CTNNA3: variants seen among roughly 807,000 people sequenced by gnomAD.
CTNNA3 encodes catenin alpha-3.
Under a neutral mutation model 95.7 loss-of-function variants are expected in CTNNA3, and 76 were observed. That is an observed-to-expected ratio of 0.79 (90% CI 0.66 to 0.96). The LOEUF (loss-of-function observed/expected upper bound fraction) is 0.96. CTNNA3 is among the 40% of genes least tolerant of loss of function. The probability of loss-of-function intolerance (pLI) is 0.00; values close to 1 mark genes in which losing one functional copy is unlikely to be tolerated. For missense variants in CTNNA3, 1,191 were observed against 1,089.8 expected (o/e 1.09, Z -1.31); for synonymous variants, 431 against 374.4 (o/e 1.15, Z -1.74).
chr10:66,294,886 C>CAGAG (rs35664400), intron 12 of CTNNA3, among the ~76,000 whole-genome samples: 3,691 of 142,452 alleles, frequency 0.026, 144 homozygotes, highest in African/African-American at 0.086. Context: ...ACAGTCAGGA[C>CAGAG]AGAGAGAGAG....
chr10:66,867,093 C>T (rs1208745173), intron 7 of CTNNA3, among the ~76,000 whole-genome samples: 3 of 152,152 alleles, frequency 2.0e-5, no homozygotes, highest in Non-Finnish European at 4.4e-5. Context: ...GCCTCCCTGG[C>T]CACGTGGAAC....
chr10:67,580,477 G>A (rs1842347204), intron 3 of CTNNA3, among the ~76,000 whole-genome samples: 1 of 151,624 alleles, frequency 6.6e-6, no homozygotes, highest in Non-Finnish European at 1.5e-5. Context: ...AATATAGTTT[G>A]AAGTCAGGTA....
chr10:67,511,792 C>G (rs1486490457), intron 5 of CTNNA3, among the ~76,000 whole-genome samples: 2 of 152,138 alleles, frequency 1.3e-5, no homozygotes, highest in Non-Finnish European at 2.9e-5. Flanking sequence ...CTTTGTACCT[C>G]TGGTAGAATT....
intron 7 of CTNNA3, among the ~76,000 whole-genome samples, chr10:67,029,764 A>G (rs573604166): frequency 2.6e-4 from 40 of 152,312 alleles, no homozygotes; most frequent in African/African-American, 9.6e-4. Context: ...ACCAATCAAT[A>G]CCTGTGATGT....
chr10:67,506,424 G>A (rs759556774), intron 5 of CTNNA3, among the ~76,000 whole-genome samples: 2 of 152,080 alleles, frequency 1.3e-5, no homozygotes, highest in African/African-American at 2.4e-5. Flanking sequence ...AGTTTAGAGA[G>A]CAAAAATAAG....
At chr10:67,132,242 G>C (rs1263192503) in intron 7 of CTNNA3, among the ~76,000 whole-genome samples, 1 of 152,070 alleles carries the variant, frequency 6.6e-6, no homozygotes, top group Non-Finnish European at 1.5e-5. Flanking sequence ...GATAATATGA[G>C]AATAAGGTTA....
Position 66,952,891 on chromosome 10 carries a change from A to G in CTNNA3, c.1048-177367T>C, listed in dbSNP as rs543888132. Among the ~76,000 whole-genome samples the G allele has an allele frequency of 1.1e-3, 161 of 152,216 alleles. 1 individual carries two copies. The highest frequency in any genetic ancestry group is 6.8e-3 in the Middle Eastern group (2 of 294). On this transcript the variant is annotated intron_variant, in intron 7 of 17. Transcript: ENST00000433211. Reference sequence around the variant, plus strand: ...GGTTCTTCCCTGGTTAGCTAACCTAAGAGTCAAAAGCCAGCACAGTAGTGT... The same window carrying G: ...GGTTCTTCCCTGGTTAGCTAACCTAGGAGTCAAAAGCCAGCACAGTAGTGT...
intron 14 of CTNNA3, chr10:66,079,146 A>G (rs1308640517): frequency 6.6e-6 from 1 of 152,030 alleles, no homozygotes; most frequent in East Asian, 1.9e-4. Flanking sequence ...ATAGCATAGT[A>G]CAATTATATT....
At chr10:67,433,620 A>T (rs1294834689) in intron 5 of CTNNA3, among the ~76,000 whole-genome samples, 1 of 152,072 alleles carries the variant, frequency 6.6e-6, no homozygotes, top group Non-Finnish European at 1.5e-5. Flanking sequence ...AAACACATTG[A>T]ACATTTACAG....
chr10:66,165,838 G>A (rs1237775331), intron 13 of CTNNA3, among the ~76,000 whole-genome samples: 9 of 151,782 alleles, frequency 5.9e-5, no homozygotes, highest in Admixed American at 2.6e-4. Context: ...GTGCAATCTT[G>A]GCTCACTGCA....
At chr10:67,422,747 T>C (rs191703837) in intron 5 of CTNNA3, among the ~76,000 whole-genome samples, 4 of 152,278 alleles carry the variant, frequency 2.6e-5, no homozygotes, top group African/African-American at 9.6e-5. Context: ...TTGCCATTAC[T>C]GTACGTTTCC....
chr10:66,685,594 G>A (rs1393448745), intron 9 of CTNNA3, among the ~76,000 whole-genome samples: 10 of 150,466 alleles, frequency 6.6e-5, no homozygotes, highest in Admixed American at 5.3e-4. Flanking sequence ...GGATGGTCTC[G>A]ATCTCCTGAC....
At chr10:65,957,792 G>A (rs1269037802) in intron 17 of CTNNA3, among the ~76,000 whole-genome samples, 1 of 152,116 alleles carries the variant, frequency 6.6e-6, no homozygotes, top group Non-Finnish European at 1.5e-5. Context: ...TGGGTAACCC[G>A]ACCTTTCTCT....
chr10:66,287,955 T>C (rs963375247), intron 12 of CTNNA3, among the ~76,000 whole-genome samples: 2 of 151,158 alleles, frequency 1.3e-5, no homozygotes, highest in Non-Finnish European at 2.9e-5. Flanking sequence ...AAACATGTGA[T>C]ATATTTGAGA....
intron 10 of CTNNA3, among the ~76,000 whole-genome samples, chr10:66,600,263 G>A (rs1315616145): frequency 1.3e-5 from 2 of 151,858 alleles, no homozygotes; most frequent in Non-Finnish European, 3.0e-5. Flanking sequence ...ATCCTAAGCA[G>A]AAAGTTTTAA....
At chr10:66,988,420 C>A (rs1354185266) in intron 7 of CTNNA3, among the ~76,000 whole-genome samples, 4 of 152,160 alleles carry the variant, frequency 2.6e-5, no homozygotes, top group African/African-American at 9.7e-5. Flanking sequence ...AAATACTCAT[C>A]TAAAGTTAAA....
chr10:66,769,720 G>A (rs1293799622), intron 8 of CTNNA3, among the ~76,000 whole-genome samples: 1 of 152,118 alleles, frequency 6.6e-6, no homozygotes, highest in African/African-American at 2.4e-5. Flanking sequence ...CAACCTATGC[G>A]GATAGAAACT....
chr10:67,484,900 G>C (rs1456189111), intron 5 of CTNNA3, among the ~76,000 whole-genome samples: 1 of 152,194 alleles, frequency 6.6e-6, no homozygotes, highest in Non-Finnish European at 1.5e-5. Flanking sequence ...CCTGTGGAAA[G>C]GAGTTTGGAG....
At chr10:66,175,152 C>T (rs1454902892) in intron 13 of CTNNA3, among the ~76,000 whole-genome samples, 4 of 151,832 alleles carry the variant, frequency 2.6e-5, no homozygotes, top group South Asian at 2.1e-4. Context: ...ACTGCTATGT[C>T]GGCCCCACAG....
Sources: allele counts gnomAD v4.1 joint callset (sites outside exome capture counted in the v4.1 genomes callset), GRCh38; gene constraint gnomAD v4.1.1; transcripts MANE v1.5; gene names NCBI Gene and HGNC (gene_info 2026-07-23, HGNC 2026-07-21).